OXNAD1: variants seen among roughly 807,000 people sequenced by gnomAD.
The protein encoded by OXNAD1 is oxidoreductase NAD-binding domain-containing protein 1.
Under a neutral mutation model 32.9 loss-of-function variants are expected in OXNAD1, and 34 were observed. That is an observed-to-expected ratio of 1.03 (90% CI 0.79 to 1.38). The LOEUF is 1.38. Among genes scored for constraint, OXNAD1 ranks in the 40% most tolerant of loss-of-function variants. The pLI is 0.00. For synonymous variants in OXNAD1, 134 were observed against 135.2 expected, an observed-to-expected ratio of 0.99 and a Z score of 0.06; for missense variants, 407 against 379.4, an observed-to-expected ratio of 1.07 and a Z score of -0.60.
rs1490989893 is a variant in OXNAD1, at chr3:16,344,481, C to G, written c.*31-4695C>G. 6.6e-6 allele frequency among the ~76,000 whole-genome samples: 1 copy of G among 152,138 alleles called. No individual in the cohort carries two copies. Among genetic ancestry groups the G allele is most frequent in the East Asian group, 1.9e-4 (1 of 5,194 alleles). On this transcript the variant is annotated intron_variant, in intron 9 of 9. Transcript: ENST00000606098. The surrounding 1 kb of genome is among the most constrained non-coding windows in gnomAD (Gnocchi z 4.4). ...TCCAGAGTCTTCCCCACTCTCAGACCTGCCCTGGCCTTCTTCCCCCTCGCC... is the reference window on the plus strand; with the variant it reads ...TCCAGAGTCTTCCCCACTCTCAGACGTGCCCTGGCCTTCTTCCCCCTCGCC...
At position 16,344,763 on chromosome 3, in the gene OXNAD1, C is replaced by G. The variant is rs2071530414; in HGVS notation, c.*31-4413C>G. ...TGCGGCCTCTCAATCAGTTATACAC[C>G]ACCCATAGGCCCTTCCTTTTTATTT... On this transcript the variant is annotated intron_variant, in intron 9 of 9. Coordinates refer to the OXNAD1 transcript ENST00000606098. This position sits in a 1 kb window ranked among gnomAD's most constrained non-coding sequence, Gnocchi z 4.4. Among the ~76,000 whole-genome samples, 1 of 152,188 alleles carries G rather than the reference C, an allele frequency of 6.6e-6. No homozygotes were observed. Among genetic ancestry groups the G allele is most frequent in the African/African-American group, 2.4e-5 (1 of 41,434 alleles).
At position 16,302,780 on chromosome 3, in the gene OXNAD1, C is replaced by A; in HGVS notation, c.784+32C>A. The A allele has an allele frequency of 6.6e-7, 1 of 1,512,678 alleles. No individual in the cohort carries two copies. 93.7% of individuals were successfully genotyped at this position (1,512,678 alleles called of 1,614,324 possible). On this transcript the variant is annotated intron_variant, in intron 8 of 8. Coordinates refer to ENST00000285083, the MANE Select transcript of OXNAD1 (RefSeq NM_138381.5). The surrounding 1 kb of genome is among the most constrained non-coding windows in gnomAD (Gnocchi z 4.2). ...CCCCTAAAGATATTTTGACTATCTCCATGCAGTTATTTGATGGACACACCA... is the reference window on the plus strand; with the variant it reads ...CCCCTAAAGATATTTTGACTATCTCAATGCAGTTATTTGATGGACACACCA...
At chr3:16,272,850 GA>G (rs200117908) in intron 4 of OXNAD1, among the ~76,000 whole-genome samples, 4,776 of 147,148 alleles carry the variant, frequency 0.032, 103 homozygotes, top group Middle Eastern at 0.085. Flanking sequence ...TGCAAATTAT[GA>G]AAAAAAAAAG....
chr3:16,277,092 C>G lies in OXNAD1; in HGVS notation c.183+5370C>G, dbSNP rs1321767546. On this transcript the variant is annotated intron_variant, in intron 4 of 8. Coordinates refer to ENST00000285083, the MANE Select transcript of OXNAD1 (RefSeq NM_138381.5). This position sits in a 1 kb window ranked among gnomAD's most constrained non-coding sequence, Gnocchi z 4.3. ...GGCGCCTGCCACCATGCCCGGCTAA[C>G]TTTTTTTTGTATTTTTAGTAGAGAC... is the stretch of plus-strand genomic sequence containing the variant. 6.6e-6 allele frequency among the ~76,000 whole-genome samples: 1 copy of G among 151,526 alleles called. No individual in the cohort carries two copies. The highest frequency in any genetic ancestry group is 2.1e-4 in the South Asian group (1 of 4,800).
rs746979088 is a variant in OXNAD1 at position 16,270,977 on chromosome 3, C to T, written c.25C>T (p.Pro9Ser). Residue 9 changes from proline to serine, a missense_variant, in exon 3 of 9, where the codon CCT becomes TCT. Physicochemically the swap from Pro to Ser is moderately conservative, Grantham distance 74 (BLOSUM62 -1). Transcript: ENST00000285083. Reference sequence around the variant, plus strand: ...CATGGCCTGTGCTGCTGTTATGATTCCTGGGTTGTTGCGGTGCTCTGTTGG... The same window carrying T: ...CATGGCCTGTGCTGCTGTTATGATTTCTGGGTTGTTGCGGTGCTCTGTTGG... The part of the protein sequence containing the change: MACAAVMI[P>S]GLLRCSVGAI... 2.5e-6 allele frequency: 4 copies of T among 1,614,034 alleles called. No individual in the cohort carries two copies. The East Asian group carries it at 8.9e-5, about 36-fold the overall frequency.
Position 16,294,943 on chromosome 3 carries a change from A to G in OXNAD1, c.378A>G (p.Ile126Met). The G allele has an allele frequency of 6.2e-7, 1 of 1,613,568 alleles. No individual in the cohort carries two copies. The highest frequency in any genetic ancestry group is 8.5e-7 in the Non-Finnish European group (1 of 1,179,696). The part of the protein sequence containing the change: ...SPRLLEQERV[I>M]ELAVKYTNHP... ...GACTGCTAGAACAAGAGAGAGTGAT[A>G]GAATTGGCAGTGAAATATACGAACC... Residue 126 changes from isoleucine (I) to methionine (M), a missense_variant, in exon 6 of 9, where the codon ATA becomes ATG. Transcript: ENST00000285083.
At chr3:16,274,001 G>A (rs1292097669) in intron 4 of OXNAD1, among the ~76,000 whole-genome samples, 1 of 151,836 alleles carries the variant, frequency 6.6e-6, no homozygotes, top group African/African-American at 2.4e-5. Flanking sequence ...AAGTGGGAAT[G>A]TACAGTATTC....
At position 16,277,278 on chromosome 3, in the gene OXNAD1, C is replaced by T. The variant is rs1032886978; in HGVS notation, c.183+5556C>T. ...CTTCTCCCATACAGAATGAGAACTG[C>T]GAAGAGTTGGGAGGAACTGGAGAAA... On this transcript the variant is annotated intron_variant, in intron 4 of 8. Transcript: ENST00000285083. The surrounding 1 kb of genome is among the most constrained non-coding windows in gnomAD (Gnocchi z 4.3). Among the ~76,000 whole-genome samples the T allele has an allele frequency of 6.6e-6, 1 of 151,984 alleles. No individual in the cohort carries two copies. The highest frequency in any genetic ancestry group is 2.4e-5 in the African/African-American group (1 of 41,346).
rs766006449 is a variant in OXNAD1, at chr3:16,320,263, G to T, written c.*30+16671G>T. Among the ~76,000 whole-genome samples the T allele has an allele frequency of 6.6e-6, 1 of 152,182 alleles. No individual in the cohort carries two copies. The highest frequency in any genetic ancestry group is 1.5e-5 in the Non-Finnish European group (1 of 68,040). The stretch of plus-strand genomic sequence containing the variant: ...TATTTGCCTTGAAAATCACACGCAC[G>T]TACACAGAGGTTTCTTTCCAATGCT... On this transcript the variant is annotated intron_variant, in intron 9 of 9. Coordinates refer to the OXNAD1 transcript ENST00000435829. The surrounding 1 kb of genome is among the most constrained non-coding windows in gnomAD (Gnocchi z 4.5).
chr3:16,333,240 T>C (rs1384877074), intron 9 of OXNAD1, among the ~76,000 whole-genome samples: 1 of 152,230 alleles, frequency 6.6e-6, no homozygotes, highest in East Asian at 1.9e-4. Flanking sequence ...GCACTATGTG[T>C]ACCACAAAAA....
chr3:16,295,079 C>T, intron 6 of OXNAD1, 82 bp downstream of exon 6: 19 of 1,445,686 alleles, frequency 1.3e-5, no homozygotes, highest in Non-Finnish European at 1.8e-5. Flanking sequence ...TTTGATTCAC[C>T]TAAGAAACCT....
downstream of OXNAD1, among the ~76,000 whole-genome samples, chr3:16,338,246 A>G (rs975131487): frequency 6.6e-6 from 1 of 152,232 alleles, no homozygotes; most frequent in East Asian, 1.9e-4. The surrounding 1 kb of genome is among the most constrained non-coding windows in gnomAD (Gnocchi z 5.3). Flanking sequence ...GTCTGCCCAC[A>G]CACACCTGCA....
At chr3:16,275,618 T>C (rs4143289) in intron 4 of OXNAD1, 5,401 of 166,674 alleles carry the variant, frequency 0.032, 233 homozygotes, top group East Asian at 0.12. Context: ...TACATCCTTA[T>C]GTAAGGAGTC....
In OXNAD1 at chr3:16,302,817, G is replaced by A; in HGVS notation, c.784+69G>A. The A allele has an allele frequency of 1.8e-5, 21 of 1,174,602 alleles. No individual in the cohort carries two copies. The South Asian group carries it at 1.9e-4, about 10-fold the overall frequency. 72.8% of individuals were successfully genotyped at this position (1,174,602 alleles called of 1,614,324 possible). A position where few individuals can be genotyped will look rare whatever the true frequency, so the allele number is the denominator to read the frequency against. On this transcript the variant is annotated intron_variant, in intron 8 of 8. Transcript: ENST00000285083. The surrounding 1 kb of genome is among the most constrained non-coding windows in gnomAD (Gnocchi z 4.2). Reference sequence around the variant, plus strand: ...TGATGGACACACCAGTTGGTTGAGCGTAGATGCTTTATTGTTGGAAGCTGC... The same window carrying A: ...TGATGGACACACCAGTTGGTTGAGCATAGATGCTTTATTGTTGGAAGCTGC...
chr3:16,304,339 C>G lies in OXNAD1; in HGVS notation c.*777C>G, dbSNP rs933131143. The G allele has an allele frequency of 6.6e-6, 1 of 152,232 alleles. No individual in the cohort carries two copies. Among genetic ancestry groups the G allele is most frequent in the Non-Finnish European group, 1.5e-5 (1 of 68,036 alleles). The allele number at this position is 152,232 out of a possible 1,614,324, so 9.4% of individuals were successfully genotyped here. A position where few individuals can be genotyped will look rare whatever the true frequency, so the allele number is the denominator to read the frequency against. On this transcript the variant is annotated 3_prime_UTR_variant, in exon 9 of 9. Coordinates refer to ENST00000285083, the MANE Select transcript of OXNAD1 (RefSeq NM_138381.5). This position sits in a 1 kb window ranked among gnomAD's most constrained non-coding sequence, Gnocchi z 4.6. Reference sequence around the variant, plus strand: ...TGGGCTGGCTTGCTATGGAAATGTGCTTAGCATTGATTAGGGGGTAGAGAG... The same window carrying G: ...TGGGCTGGCTTGCTATGGAAATGTGGTTAGCATTGATTAGGGGGTAGAGAG...
intron 2 of OXNAD1, 97 bp downstream of exon 2, chr3:16,269,372 T>G: frequency 7.7e-7 from 1 of 1,304,706 alleles, no homozygotes; most frequent in Non-Finnish European, 1.0e-6. Flanking sequence ...TGAATGAGGT[T>G]GAAGAGGCCT....
chr3:16,340,867 G>T (rs1281091020), downstream of OXNAD1, among the ~76,000 whole-genome samples: 3 of 151,980 alleles, frequency 2.0e-5, no homozygotes, highest in African/African-American at 7.3e-5. Context: ...AGAATGAGAA[G>T]ACAAGTCAAA....
At chr3:16,313,205 A>ATGTGTTTTTTTTTTTTTTT (rs1664059397) in intron 9 of OXNAD1, among the ~76,000 whole-genome samples, 1 of 103,806 alleles carries the variant, frequency 9.6e-6, no homozygotes, top group Non-Finnish European at 1.9e-5. Context: ...CACCCAGCGG[A>ATGTGTTTTTTTTTTTTTTT]TTTTTTTTTT....
Position 16,345,761 on chromosome 3 carries a change from CAT to C in OXNAD1, c.*31-3414_*31-3413del, listed in dbSNP as rs1320693223. Among the ~76,000 whole-genome samples the C allele has an allele frequency of 6.7e-6, 1 of 150,102 alleles. No homozygotes were observed. The highest frequency in any genetic ancestry group is 2.5e-5 in the African/African-American group (1 of 40,724). On this transcript the variant is annotated intron_variant, in intron 9 of 9. Transcript: ENST00000606098. This position sits in a 1 kb window ranked among gnomAD's most constrained non-coding sequence, Gnocchi z 5.2. ...TGGGACTCCTCAGCCTCCATAATCA[CAT>C]GAGCCAAAACCTTATAATAAATCTC... is the stretch of plus-strand genomic sequence containing the variant.
Sources: allele counts gnomAD v4.1 joint callset (sites outside exome capture counted in the v4.1 genomes callset), GRCh38; gene constraint gnomAD v4.1.1; non-coding constraint Gnocchi (gnomAD v3.1); transcripts MANE v1.5; gene names NCBI Gene and HGNC (gene_info 2026-07-23, HGNC 2026-07-21).